ADCY8: variants seen among roughly 807,000 people sequenced by gnomAD.
ADCY8 encodes adenylate cyclase 8, also known as adenylate cyclase type 8.
A neutral mutation model predicts 119.7 loss-of-function variants in ADCY8; 51 were observed. The observed-to-expected ratio is 0.43, with a 90% CI of 0.34 to 0.54. The LOEUF (loss-of-function observed/expected upper bound fraction) is 0.54, where lower values mean the gene tolerates loss of function less well. ADCY8 is among the 20% of genes least tolerant of loss of function. The pLI is 0.03. For missense variants in ADCY8, 1,383 were observed against 1,598.8 expected (o/e 0.87, Z 2.30); for synonymous variants, 665 against 651.0 (o/e 1.02, Z -0.33).
intron 8 of ADCY8, among the ~76,000 whole-genome samples, chr8:130,869,518 G>GTTTTTTTTTTTTTTTT (rs141048498): frequency 8.4e-6 from 1 of 118,772 alleles, no homozygotes; most frequent in African/African-American, 3.7e-5. Context: ...ATTTTTTTTT[G>GTTTTTTTTTTTTTTTT]TTTTTTTGTT....
At chr8:130,925,621 C>G (rs2130595297) in intron 5 of ADCY8, among the ~76,000 whole-genome samples, 1 of 152,268 alleles carries the variant, frequency 6.6e-6, no homozygotes, top group South Asian at 2.1e-4. Flanking sequence ...ACAATAGGCA[C>G]TCTTTCAGGG....
At chr8:131,016,523 A>G (rs1590868) in intron 1 of ADCY8, among the ~76,000 whole-genome samples, 68,353 of 151,960 alleles carry the variant, frequency 0.45, 15,584 homozygotes, top group East Asian at 0.63. Context: ...AAAAATAAAA[A>G]AAGAATGTCA....
At chr8:130,909,529 C>T (rs1192075612) in intron 6 of ADCY8, among the ~76,000 whole-genome samples, 179 bp downstream of exon 6, 1 of 152,136 alleles carries the variant, frequency 6.6e-6, no homozygotes, top group Non-Finnish European at 1.5e-5. Context: ...TCCTTGTTGC[C>T]TCTGATGCAT....
chr8:130,926,578 TATC>T (rs1244487378), intron 5 of ADCY8, among the ~76,000 whole-genome samples: 3 of 152,332 alleles, frequency 2.0e-5, no homozygotes, highest in Non-Finnish European at 2.9e-5. Context: ...ACCTCACAGT[TATC>T]ATTTTTATGG....
In ADCY8 at chr8:130,800,455, G is replaced by A; in HGVS notation, c.3031C>T (p.Leu1011Phe). Residue 1011 changes from leucine (L) to phenylalanine (F), a missense_variant, in exon 15 of 18, where the codon CTC (leucine) becomes TTC (phenylalanine). Coordinates refer to ENST00000286355, the MANE Select transcript of ADCY8 (RefSeq NM_001115.3). ...NNQGVECLRLLNEIIADFDEL... is the reference protein window; with the variant it reads ...NNQGVECLRLFNEIIADFDEL... ...TCGAAGTCAGCAATGATCTCATTGA[G>A]CAAGCGCAGGCATTCCACTCCCTGG... is the stretch of plus-strand genomic sequence containing the variant. 6.2e-7 allele frequency: 1 copy of A among 1,614,188 alleles called. No homozygotes were observed. Among genetic ancestry groups the A allele is most frequent in the Non-Finnish European group, 8.5e-7 (1 of 1,180,032 alleles).
rs375559187 is a variant in ADCY8 at position 130,863,438 on chromosome 8, A to G, written c.2210+4408T>C. Among the ~76,000 whole-genome samples, 12 of 150,288 alleles carry G rather than the reference A, an allele frequency of 8.0e-5. No individual in the cohort carries two copies. The East Asian group carries it at 2.1e-3, about 27-fold the overall frequency. On this transcript the variant is annotated intron_variant, in intron 9 of 17. Transcript: ENST00000286355. ...TGACAAGCTGTGCTTTGTAATTGGTATCTTGAGACCATTAACATCAAAGAG... is the reference window on the plus strand; with the variant it reads ...TGACAAGCTGTGCTTTGTAATTGGTGTCTTGAGACCATTAACATCAAAGAG...
chr8:130,794,221 G>C (rs943991224), intron 15 of ADCY8, among the ~76,000 whole-genome samples: 9 of 152,114 alleles, frequency 5.9e-5, no homozygotes, highest in Non-Finnish European at 5.9e-5. Flanking sequence ...AATTGTGAAA[G>C]AATGCATTCT....
Position 130,884,665 on chromosome 8 carries a change from T to C in ADCY8, c.2008A>G (p.Arg670Gly), listed in dbSNP as rs1179867359. 6.2e-7 allele frequency: 1 copy of C among 1,613,912 alleles called. No individual in the cohort carries two copies. Among genetic ancestry groups the C allele is most frequent in the African/African-American group, 1.3e-5 (1 of 75,028 alleles). ...VQSGPEEINK[R>G]IEHTIDLRSG... The stretch of plus-strand genomic sequence containing the variant: ...CGCAAGTCGATGGTATGTTCTATTC[T>C]CTTGTTAATTTCCTCAGGCCCAGAC... The change falls in exon 8 of 18, where the codon AGA (arginine) becomes GGA (glycine). Residue 670 changes from arginine (R) to glycine (G), a missense_variant. Coordinates refer to ENST00000286355, the MANE Select transcript of ADCY8 (RefSeq NM_001115.3).
chr8:131,034,389 G>T (rs1009198786), intron 1 of ADCY8, among the ~76,000 whole-genome samples: 4 of 151,934 alleles, frequency 2.6e-5, no homozygotes, highest in African/African-American at 9.7e-5. Flanking sequence ...AAGTCACATA[G>T]AAAGTCAGCT....
In ADCY8 at chr8:131,030,751, A is replaced by T. The variant is rs77016883; in HGVS notation, c.960+8623T>A. Among the ~76,000 whole-genome samples, 1,303 of 152,350 alleles carry T rather than the reference A, an allele frequency of 8.6e-3. 18 individuals carry two copies. The highest frequency in any genetic ancestry group is 0.028 in the African/African-American group (1,172 of 41,588). On this transcript the variant is annotated intron_variant, in intron 1 of 17. Transcript: ENST00000286355. ...TGGGGGAAAAGTTTATCTATTCAAT[A>T]GTTATTCCACCTTTCATTCTAATGC...
At chr8:130,797,346 T>C (rs11777544) in intron 15 of ADCY8, among the ~76,000 whole-genome samples, 95,322 of 152,142 alleles carry the variant, frequency 0.63, 31,064 homozygotes, top group African/African-American at 0.78. Flanking sequence ...TGGACACCCC[T>C]GCTATAAAGT....
intron 15 of ADCY8, among the ~76,000 whole-genome samples, chr8:130,798,176 C>T (rs1815646496): frequency 6.6e-6 from 1 of 152,028 alleles, no homozygotes; most frequent in Non-Finnish European, 1.5e-5. Context: ...GGGTTTCTAC[C>T]CTAGAACTAA....
chr8:130,814,710 G>A (rs263266), intron 13 of ADCY8, among the ~76,000 whole-genome samples: 146,503 of 152,240 alleles, frequency 0.96, 70,533 homozygotes, highest in African/African-American at 0.99. Context: ...GTGCAGGGGA[G>A]CTCCCATTTA....
At chr8:130,884,316 T>A (rs768481545) in intron 8 of ADCY8, among the ~76,000 whole-genome samples, 18 of 152,152 alleles carry the variant, frequency 1.2e-4, no homozygotes, top group Non-Finnish European at 2.5e-4. Context: ...GTTAAAGGAG[T>A]CTTTGTTCTT....
rs1822284331 is a variant in ADCY8, at chr8:130,982,997, C to T, written c.1110+7396G>A. Among the ~76,000 whole-genome samples the T allele has an allele frequency of 3.9e-5, 6 of 152,324 alleles. No individual in the cohort carries two copies. In the South Asian group the frequency reaches 1.2e-3, roughly 32 times the overall value. ...TGACTTCTAGCCCAGTGTCTTTCTG[C>T]TCTGCTGAACTGCCTCACAAATATA... On this transcript the variant is annotated intron_variant, in intron 2 of 17. Transcript: ENST00000286355.
chr8:130,862,180 A>G (rs1279438248), intron 9 of ADCY8, among the ~76,000 whole-genome samples: 1 of 152,026 alleles, frequency 6.6e-6, no homozygotes, highest in Non-Finnish European at 1.5e-5. Context: ...TCCTGTTTTC[A>G]GTTTTATTGA....
At chr8:130,884,924 G>A (rs993615992) in intron 7 of ADCY8, among the ~76,000 whole-genome samples, 163 bp from the exon 8 acceptor site, 5 of 152,158 alleles carry the variant, frequency 3.3e-5, no homozygotes, top group Admixed American at 2.6e-4. Context: ...ATTTGGTGCA[G>A]AGAAATACAA....
intron 2 of ADCY8, among the ~76,000 whole-genome samples, chr8:130,971,983 G>A (rs1032750725): frequency 1.3e-5 from 2 of 152,156 alleles, no homozygotes; most frequent in African/African-American, 4.8e-5. Flanking sequence ...AGAGAATAAT[G>A]TACATATCAC....
chr8:130,945,383 C>T lies in ADCY8; in HGVS notation c.1242-1921G>A, dbSNP rs550834780. On this transcript the variant is annotated intron_variant, in intron 3 of 17. Coordinates refer to ENST00000286355, the MANE Select transcript of ADCY8 (RefSeq NM_001115.3). ...GTGACTATACTGCCATTGTCTTCTA[C>T]AGTTCCGTGGTGGCAGAACATATGG... 7.2e-5 allele frequency among the ~76,000 whole-genome samples: 11 copies of T among 152,346 alleles called. No individual in the cohort carries two copies. In the South Asian group the frequency reaches 2.1e-3, roughly 29 times the overall value.
Sources: allele counts gnomAD v4.1 joint callset (sites outside exome capture counted in the v4.1 genomes callset), GRCh38; gene constraint gnomAD v4.1.1; transcripts MANE v1.5; gene names NCBI Gene and HGNC (gene_info 2026-07-23, HGNC 2026-07-21).